Variants in ARMC7 observed in about 807,000 individuals in gnomAD.
The protein encoded by ARMC7 is armadillo repeat-containing protein 7.
Under a neutral mutation model 14.8 loss-of-function variants are expected in ARMC7, and 9 were observed. That is an observed-to-expected ratio of 0.61 (90% CI 0.37 to 1.06). ARMC7 has a LOEUF of 1.06. Among genes scored for constraint, ARMC7 ranks in the 50% least tolerant of loss-of-function variants. The pLI is 0.01. For missense variants in ARMC7, 262 were observed against 267.1 expected (o/e 0.98, Z 0.13); for synonymous variants, 125 against 123.4 (o/e 1.01, Z -0.09).
intron 2 of ARMC7, among the ~76,000 whole-genome samples, chr17:75,119,502 G>A (rs1182985425): frequency 1.4e-5 from 2 of 146,232 alleles, no homozygotes; most frequent in Non-Finnish European, 3.0e-5. Flanking sequence ...AGGCTGGAGT[G>A]CAGTGGCGCG....
chr17:75,121,091 A>G (rs1284308902), intron 2 of ARMC7, among the ~76,000 whole-genome samples: 1 of 152,126 alleles, frequency 6.6e-6, no homozygotes, highest in African/African-American at 2.4e-5. Context: ...CTCGTATCTG[A>G]TTTCTTTCAC....
At position 75,129,432 on chromosome 17, in the gene ARMC7, A is replaced by C. The variant is rs2074083862; in HGVS notation, c.*394A>C. On this transcript the variant is annotated 3_prime_UTR_variant, in exon 3 of 3. Transcript: ENST00000245543. ...TGCAGGAAATCAGGGATTATCCCTT[A>C]ACAGAAGTGTCTGGAGTAGTTTTCA... 3 of 225,540 alleles carry C rather than the reference A, an allele frequency of 1.3e-5. No homozygotes were observed. The South Asian group carries it at 2.8e-4, about 21-fold the overall frequency. The allele number at this position is 225,540 out of a possible 1,614,324, so 14.0% of individuals were successfully genotyped here. A position where few individuals can be genotyped will look rare whatever the true frequency, so the allele number is the denominator to read the frequency against.
Position 75,128,976 on chromosome 17 carries a change from C to G in ARMC7, c.535C>G (p.Arg179Gly). ...SPRQVAEARSRQAHSALGIPL... is the reference protein window; with the variant it reads ...SPRQVAEARSGQAHSALGIPL... ...CCGCCAGGTGGCCGAGGCCCGCAGC[C>G]GGCAGGCGCACTCTGCCCTGGGTAT... Residue 179 changes from arginine to glycine, a missense_variant, in exon 3 of 3, where the codon CGG (arginine) becomes GGG (glycine). Arg to Gly is a moderately radical substitution (Grantham distance 125). Transcript: ENST00000245543. 1.2e-6 allele frequency: 2 copies of G among 1,602,272 alleles called. No individual in the cohort carries two copies. The highest frequency in any genetic ancestry group is 2.2e-5 in the South Asian group (2 of 90,960).
At chr17:75,115,443 G>A (rs2073966810) in intron 2 of ARMC7, among the ~76,000 whole-genome samples, 1 of 152,250 alleles carries the variant, frequency 6.6e-6, no homozygotes, top group Non-Finnish European at 1.5e-5. Context: ...GGAGGCTGAG[G>A]CAGAAGAGTT....
intron 2 of ARMC7, among the ~76,000 whole-genome samples, chr17:75,112,785 T>C (rs2073936927): frequency 6.6e-6 from 1 of 151,284 alleles, no homozygotes; most frequent in South Asian, 2.1e-4. Context: ...GATCTCACTG[T>C]GTTGCCCAGA....
Position 75,120,338 on chromosome 17 carries a change from T to C in ARMC7, c.236-8339T>C, listed in dbSNP as rs1470732072. On this transcript the variant is annotated intron_variant, in intron 2 of 2. Transcript: ENST00000245543. The stretch of plus-strand genomic sequence containing the variant: ...TGACCTCCCTGAGTCTCCGGCTTTC[T>C]CATCTTGCTTTCATGTGGGGTTTCC... Among the ~76,000 whole-genome samples the C allele has an allele frequency of 2.0e-5, 3 of 152,190 alleles. No individual in the cohort carries two copies. In the East Asian group the frequency reaches 5.8e-4, roughly 29 times the overall value.
chr17:75,123,300 G>A (rs559270994), intron 2 of ARMC7, among the ~76,000 whole-genome samples: 28 of 148,770 alleles, frequency 1.9e-4, no homozygotes, highest in Non-Finnish European at 3.4e-4. Context: ...CACCCGCCTC[G>A]GCCTCCCAAA....
intron 2 of ARMC7, among the ~76,000 whole-genome samples, chr17:75,112,587 T>C (rs2073934175): frequency 6.8e-6 from 1 of 147,768 alleles, no homozygotes; most frequent in Non-Finnish European, 1.5e-5. Context: ...TTTTTTTTTT[T>C]TTTTTTGAGA....
At chr17:75,123,206 T>C (rs1161249878) in intron 2 of ARMC7, among the ~76,000 whole-genome samples, 1 of 116,758 alleles carries the variant, frequency 8.6e-6, no homozygotes, top group African/African-American at 4.5e-5. Flanking sequence ...GCCCAGCTAA[T>C]TTTTTTTTTT....
In ARMC7 at chr17:75,129,085, AGTCCTGATGT is replaced by A. The variant is rs1568020512; in HGVS notation, c.*49_*58del. On this transcript the variant is annotated 3_prime_UTR_variant, in exon 3 of 3. Coordinates refer to ENST00000245543, the MANE Select transcript of ARMC7 (RefSeq NM_024585.4). ...TGGCACCCCTACTGCTGGAGACCACAGTCCTGATGTGGACGCAGGGAACGGGGAGCACATA... is the reference window on the plus strand; with the variant it reads ...TGGCACCCCTACTGCTGGAGACCACAGGACGCAGGGAACGGGGAGCACATA... The A allele has an allele frequency of 4.5e-6, 7 of 1,545,912 alleles. No individual in the cohort carries two copies. Among genetic ancestry groups the A allele is most frequent in the Non-Finnish European group, 6.1e-6 (7 of 1,151,546 alleles).
rs1261543469 is a variant in ARMC7, at chr17:75,128,869, A to G, written c.428A>G (p.Gln143Arg). 1.2e-6 allele frequency: 2 copies of G among 1,612,544 alleles called. No homozygotes were observed. Among genetic ancestry groups the G allele is most frequent in the East Asian group, 2.2e-5 (1 of 44,872 alleles). The change falls in exon 3 of 3, where the codon CAG (glutamine) becomes CGG (arginine). Residue 143 changes from glutamine to arginine, a missense_variant. Transcript: ENST00000245543. Reference sequence around the variant, plus strand: ...GAGCTGACCGCCACGCCCGTGGTGCAGTGCATGCTTCGCTTCTCCCTCTCG... The same window carrying G: ...GAGCTGACCGCCACGCCCGTGGTGCGGTGCATGCTTCGCTTCTCCCTCTCG... ...LPELTATPVV[Q>R]CMLRFSLSAS...
At chr17:75,113,349 TTTTA>T (rs1173194851) in intron 2 of ARMC7, among the ~76,000 whole-genome samples, 2 of 142,874 alleles carry the variant, frequency 1.4e-5, no homozygotes, top group Non-Finnish European at 3.0e-5. Context: ...TAAAAATACT[TTTTA>T]TTTATTTATT....
intron 2 of ARMC7, among the ~76,000 whole-genome samples, chr17:75,119,485 G>A (rs2073997578): frequency 7.7e-6 from 1 of 129,506 alleles, no homozygotes; most frequent in South Asian, 2.4e-4. Flanking sequence ...GTTTCGCTCT[G>A]TCGCCCAGGC....
intron 2 of ARMC7, among the ~76,000 whole-genome samples, chr17:75,111,646 GAGGATTGCTT>G (rs1270380138): frequency 6.6e-6 from 1 of 151,590 alleles, no homozygotes; most frequent in Non-Finnish European, 1.5e-5. Flanking sequence ...GCTGAGGTGG[GAGGATTGCTT>G]AAGCCTGGGA....
intron 2 of ARMC7, among the ~76,000 whole-genome samples, chr17:75,112,251 A>G: frequency 1.3e-5 from 2 of 152,192 alleles, no homozygotes; most frequent in Non-Finnish European, 2.9e-5. Context: ...GGCCGTGGGA[A>G]ATAGTTTGAA....
At position 75,128,976 on chromosome 17, in the gene ARMC7, C is replaced by A. The variant is rs754876857; in HGVS notation, c.535C>A (p.Arg179=). The change falls in exon 3 of 3, where the codon CGG becomes AGG. Residue 179 remains arginine (R), a synonymous_variant. Transcript: ENST00000245543. ...CCGCCAGGTGGCCGAGGCCCGCAGC[C>A]GGCAGGCGCACTCTGCCCTGGGTAT... ...SPRQVAEARS[R]QAHSALGIPL... 1 of 1,602,270 alleles carries A rather than the reference C, an allele frequency of 6.2e-7. No individual in the cohort carries two copies. The highest frequency in any genetic ancestry group is 1.3e-5 in the African/African-American group (1 of 75,040).
chr17:75,122,448 G>A (rs907061356), intron 2 of ARMC7, among the ~76,000 whole-genome samples: 1 of 151,664 alleles, frequency 6.6e-6, no homozygotes, highest in Non-Finnish European at 1.5e-5. Context: ...CGCAACCTCC[G>A]CCTCCTGGGT....
chr17:75,118,079 C>T (rs913204825), intron 2 of ARMC7, among the ~76,000 whole-genome samples: 61 of 148,672 alleles, frequency 4.1e-4, no homozygotes, highest in Non-Finnish European at 8.3e-4. Context: ...GAGCCAAGAT[C>T]GTGCCACTGC....
chr17:75,118,940 G>A (rs902619372), intron 2 of ARMC7, among the ~76,000 whole-genome samples: 2 of 152,178 alleles, frequency 1.3e-5, no homozygotes, highest in South Asian at 2.1e-4. Flanking sequence ...CCAGGACTTC[G>A]CCCCTGTCAT....
Sources: gnomAD v4.1 joint callset for allele counts (sites outside exome capture counted in the v4.1 genomes callset) on GRCh38, gnomAD v4.1.1 for gene constraint, MANE v1.5 for transcripts, NCBI Gene and HGNC (gene_info 2026-07-23, HGNC 2026-07-21) for gene names.